The following MAPKAP1 variants were observed in gnomAD, a reference collection of about 807,000 sequenced individuals.
MAPKAP1 encodes MAPK associated protein 1.
In MAPKAP1, 20 loss-of-function variants were observed where a neutral mutation model predicts 65.7. The observed-to-expected ratio is 0.30, with a 90% CI of 0.21 to 0.44. The LOEUF (loss-of-function observed/expected upper bound fraction) is 0.44. Ranked by LOEUF, MAPKAP1 falls within the 20% of genes least tolerant of loss-of-function variation. The pLI is 1.00. For synonymous variants in MAPKAP1, 222 were observed against 244.3 expected (o/e 0.91, Z 0.85); for missense variants, 423 against 648.0 (o/e 0.65, Z 3.77).
chr9:125,575,144 G>C (rs1179133461), intron 5 of MAPKAP1, among the ~76,000 whole-genome samples: 1 of 152,134 alleles, frequency 6.6e-6, no homozygotes, highest in African/African-American at 2.4e-5. Context: ...TTTAAGCCAG[G>C]AATTCAAGAC....
chr9:125,678,409 A>AT (rs1277256473), intron 1 of MAPKAP1, among the ~76,000 whole-genome samples: 1 of 151,612 alleles, frequency 6.6e-6, no homozygotes, highest in Non-Finnish European at 1.5e-5. Context: ...CGCCTGGCTA[A>AT]TTTTTTGTAT....
At chr9:125,505,532 T>C (rs896426560) in intron 8 of MAPKAP1, among the ~76,000 whole-genome samples, 1 of 152,136 alleles carries the variant, frequency 6.6e-6, no homozygotes, top group African/African-American at 2.4e-5. Context: ...GAAAAAGTAG[T>C]ATGCGGTATG....
In MAPKAP1 at chr9:125,595,746, A is replaced by T; in HGVS notation, c.499-10019T>A. ...GGAGGGTTGAGCTTTGAAACAACCAATGAGAGCAAGAGGAGCCATTGTGAG... is the reference window on the plus strand; with the variant it reads ...GGAGGGTTGAGCTTTGAAACAACCATTGAGAGCAAGAGGAGCCATTGTGAG... On this transcript the variant is annotated intron_variant, in intron 4 of 11. Transcript: ENST00000265960. This position sits in a 1 kb window ranked among gnomAD's most constrained non-coding sequence, Gnocchi z 4.0. The T allele has an allele frequency of 7.0e-7, 1 of 1,433,770 alleles. No individual in the cohort carries two copies. The highest frequency in any genetic ancestry group is 1.2e-5 in the South Asian group (1 of 86,446). The allele number at this position is 1,433,770 out of a possible 1,614,324, so 88.8% of individuals were successfully genotyped here. A position where few individuals can be genotyped will look rare whatever the true frequency, so the allele number is the denominator to read the frequency against.
chr9:125,596,431 G>A, intron 4 of MAPKAP1: 3 of 787,070 alleles, frequency 3.8e-6, no homozygotes, highest in Non-Finnish European at 6.8e-6. Context: ...AATTTTGGAG[G>A]GTGGTGGAAG....
At position 125,595,409 on chromosome 9, in the gene MAPKAP1, G is replaced by T; in HGVS notation, c.499-9682C>A. ...AATGTATGTATTTGAACATGCTGAT[G>T]AATTAAAACATTATCTAGAGCAGCT... On this transcript the variant is annotated intron_variant, in intron 4 of 11. Coordinates refer to ENST00000265960, the MANE Select transcript of MAPKAP1 (RefSeq NM_001006617.3). This position sits in a 1 kb window ranked among gnomAD's most constrained non-coding sequence, Gnocchi z 4.0. 2.7e-6 allele frequency: 1 copy of T among 372,814 alleles called. No individual in the cohort carries two copies. Among genetic ancestry groups the T allele is most frequent in the Non-Finnish European group, 3.8e-6 (1 of 261,848 alleles). The allele number at this position is 372,814 out of a possible 1,614,324, so 23.1% of individuals were successfully genotyped here.
rs1019899920 is a variant in MAPKAP1 at position 125,530,774 on chromosome 9, C to T, written c.958+12285G>A. 2.0e-5 allele frequency among the ~76,000 whole-genome samples: 3 copies of T among 152,318 alleles called. No homozygotes were observed. The South Asian group carries it at 6.2e-4, about 32-fold the overall frequency. ...GTAAAAACTTTCTATAGACTTAATT[C>T]ACTGGAAAACAAAAGGTGCAGGCAA... is the stretch of plus-strand genomic sequence containing the variant. On this transcript the variant is annotated intron_variant, in intron 7 of 11. Transcript: ENST00000265960.
chr9:125,706,155 T>C (rs929927777), intron 1 of MAPKAP1, among the ~76,000 whole-genome samples: 1 of 152,114 alleles, frequency 6.6e-6, no homozygotes, highest in Non-Finnish European at 1.5e-5. Context: ...GCTCATAAAA[T>C]ATAAGGAATA....
intron 3 of MAPKAP1, among the ~76,000 whole-genome samples, chr9:125,660,164 C>T (rs1473616684): frequency 6.6e-6 from 1 of 152,212 alleles, no homozygotes; most frequent in Non-Finnish European, 1.5e-5. Context: ...TCTCAATCTA[C>T]ATTCACGCCA....
intron 7 of MAPKAP1, among the ~76,000 whole-genome samples, chr9:125,522,834 C>T (rs1169523988): frequency 6.6e-6 from 1 of 152,154 alleles, no homozygotes; most frequent in Non-Finnish European, 1.5e-5. Flanking sequence ...CCTTTATGAC[C>T]CAAACTAGAC....
intron 8 of MAPKAP1, among the ~76,000 whole-genome samples, chr9:125,503,062 C>A (rs1253215599): frequency 1.3e-5 from 2 of 152,178 alleles, no homozygotes; most frequent in African/African-American, 2.4e-5. Context: ...TATGGCTACA[C>A]CAGATTTCAG....
intron 4 of MAPKAP1, among the ~76,000 whole-genome samples, chr9:125,640,701 A>T (rs1262784828): frequency 3.3e-5 from 5 of 152,234 alleles, no homozygotes; most frequent in African/African-American, 1.2e-4. Context: ...TCAGAAAGGT[A>T]AGATGATGCA....
intron 7 of MAPKAP1, among the ~76,000 whole-genome samples, chr9:125,510,012 A>C (rs1829253418): frequency 6.6e-6 from 1 of 152,198 alleles, no homozygotes; most frequent in African/African-American, 2.4e-5. Context: ...TGTCCTATGA[A>C]GCCTAGCATG....
At chr9:125,581,188 G>GT (rs1831613863) in intron 5 of MAPKAP1, among the ~76,000 whole-genome samples, 3 of 152,244 alleles carry the variant, frequency 2.0e-5, no homozygotes, top group Admixed American at 2.0e-4. Context: ...TTATGTGAAT[G>GT]TAAGTTTTCA....
At chr9:125,624,131 G>A (rs1266047082) in intron 4 of MAPKAP1, among the ~76,000 whole-genome samples, 18 of 21,164 alleles carry the variant, frequency 8.5e-4, no homozygotes, top group African/African-American at 1.8e-3. Flanking sequence ...CCCTCTGCCC[G>A]GCCAGCCGCC....
chr9:125,672,831 A>G (rs1834533689), intron 1 of MAPKAP1, among the ~76,000 whole-genome samples, 188 bp from the exon 2 acceptor site: 1 of 152,250 alleles, frequency 6.6e-6, no homozygotes, highest in Non-Finnish European at 1.5e-5. Flanking sequence ...CTGCAGCTCT[A>G]GTCAATGAGA....
chr9:125,477,555 G>T (rs1197446426), intron 9 of MAPKAP1, among the ~76,000 whole-genome samples: 1 of 152,188 alleles, frequency 6.6e-6, no homozygotes, highest in African/African-American at 2.4e-5. Context: ...CCACTGCCCC[G>T]AGGTGCTCTG....
intron 1 of MAPKAP1, among the ~76,000 whole-genome samples, chr9:125,678,847 A>C (rs915296972): frequency 1.3e-5 from 2 of 152,192 alleles, no homozygotes; most frequent in African/African-American, 4.8e-5. Context: ...CTTATGAAAA[A>C]AACTGAGACA....
rs895734337 is a variant in MAPKAP1 at position 125,585,906 on chromosome 9, T to A, written c.499-179A>T. Among the ~76,000 whole-genome samples the A allele has an allele frequency of 7.2e-4, 110 of 152,246 alleles. 2 individuals are homozygous for A. Among genetic ancestry groups the A allele is most frequent in the African/African-American group, 2.6e-3 (106 of 41,550 alleles). On this transcript the variant is annotated intron_variant, in intron 4 of 11. Transcript: ENST00000265960. Reference sequence around the variant, plus strand: ...GTTTCAAGGATTTTTTTTCCTTAAATTTTCATTTTATAATAAACTAATGGA... The same window carrying A: ...GTTTCAAGGATTTTTTTTCCTTAAAATTTCATTTTATAATAAACTAATGGA...
chr9:125,680,086 A>ATT (rs376323041), intron 1 of MAPKAP1, among the ~76,000 whole-genome samples: 1 of 141,948 alleles, frequency 7.0e-6, no homozygotes, highest in Non-Finnish European at 1.6e-5. Flanking sequence ...CAGATGCGAG[A>ATT]TTTTTTTTTT....
Sources: allele counts gnomAD v4.1 joint callset (sites outside exome capture counted in the v4.1 genomes callset), GRCh38; gene constraint gnomAD v4.1.1; non-coding constraint Gnocchi (gnomAD v3.1); transcripts MANE v1.5; gene names NCBI Gene and HGNC (gene_info 2026-07-23, HGNC 2026-07-21).